Variants in SLCO3A1 observed in about 807,000 individuals in gnomAD.
SLCO3A1 encodes PGE1 transporter.
In SLCO3A1, 27 loss-of-function variants were observed where a neutral mutation model predicts 63.1. That is an observed-to-expected ratio of 0.43 (90% CI 0.32 to 0.59). SLCO3A1 has a LOEUF of 0.59. SLCO3A1 is among the 20% of genes least tolerant of loss of function. The probability of loss-of-function intolerance (pLI) is 0.09; values close to 1 mark genes in which losing one functional copy is unlikely to be tolerated. For synonymous variants in SLCO3A1, 473 were observed against 409.9 expected, an observed-to-expected ratio of 1.15 and a Z score of -1.86; for missense variants, 773 against 945.8, an observed-to-expected ratio of 0.82 and a Z score of 2.40.
At position 91,894,963 on chromosome 15, in the gene SLCO3A1, G is replaced by C. The variant is rs1244934891; in HGVS notation, c.181-21030G>C. On this transcript the variant is annotated intron_variant, in intron 1 of 9. Coordinates refer to ENST00000318445, the MANE Select transcript of SLCO3A1 (RefSeq NM_013272.4). The surrounding 1 kb of genome is among the most constrained non-coding windows in gnomAD (Gnocchi z 4.8). ...ATACCTGCATCCTGGACTTGTGGCT[G>C]TGAGTCTCCAGAGACTCAAGGCATT... 6.6e-6 allele frequency among the ~76,000 whole-genome samples: 1 copy of C among 152,206 alleles called. No individual in the cohort carries two copies. Among genetic ancestry groups the C allele is most frequent in the African/African-American group, 2.4e-5 (1 of 41,440 alleles).
rs562752933 is a variant in SLCO3A1 at position 92,142,763 on chromosome 15, A to G, written c.1513-4221A>G. ...ACCGTGCCAGCTGTAGCCTGAGATA[A>G]AGATGTCTCATTTTATCCCATTCCA... On this transcript the variant is annotated intron_variant, in intron 7 of 9. Transcript: ENST00000318445. Among the ~76,000 whole-genome samples, 3 of 152,300 alleles carry G rather than the reference A, an allele frequency of 2.0e-5. No individual in the cohort carries two copies. In the East Asian group the frequency reaches 5.8e-4, roughly 29 times the overall value.
Position 92,025,464 on chromosome 15 carries a change from T to TACC in SLCO3A1, c.647-69414_647-69412dup, listed in dbSNP as rs201694936. 5.3e-3 allele frequency among the ~76,000 whole-genome samples: 800 copies of TACC among 152,244 alleles called. 5 individuals carry two copies. The highest frequency in any genetic ancestry group is 0.018 in the African/African-American group (742 of 41,506). The stretch of plus-strand genomic sequence containing the variant: ...CTGCTGCTCTTGCTGCTGCTGCTGC[T>TACC]ACCACTACTACTACTGCTGCTGCTG... On this transcript the variant is annotated intron_variant, in intron 2 of 9. Transcript: ENST00000318445.
chr15:92,051,155 T>C (rs533984321), intron 2 of SLCO3A1, among the ~76,000 whole-genome samples: 5 of 152,350 alleles, frequency 3.3e-5, no homozygotes, highest in Non-Finnish European at 7.3e-5. Context: ...GGGAATTAAG[T>C]AAGGCATATA....
In SLCO3A1 at chr15:92,164,944, G is replaced by A. The variant is rs1463877559; in HGVS notation, c.*1809G>A. The A allele has an allele frequency of 2.0e-5, 20 of 981,504 alleles. No individual in the cohort carries two copies. Among genetic ancestry groups the A allele is most frequent in the Non-Finnish European group, 2.4e-5 (20 of 829,000 alleles). The allele number at this position is 981,504 out of a possible 1,614,324, so 60.8% of individuals were successfully genotyped here. A position where few individuals can be genotyped will look rare whatever the true frequency, so the allele number is the denominator to read the frequency against. The stretch of plus-strand genomic sequence containing the variant: ...TGACCTTTGTTCATGTCACATTCCT[G>A]GCGCTGGAAAAAAAACTCAAAGGTT... On this transcript the variant is annotated 3_prime_UTR_variant, in exon 10 of 10. Coordinates refer to ENST00000318445, the MANE Select transcript of SLCO3A1 (RefSeq NM_013272.4).
intron 2 of SLCO3A1, among the ~76,000 whole-genome samples, chr15:92,016,130 A>C (rs2046423117): frequency 6.6e-6 from 1 of 152,002 alleles, no homozygotes; most frequent in African/African-American, 2.4e-5. Context: ...ATGATGTGCA[A>C]AAAGCCCAAA....
intron 2 of SLCO3A1, among the ~76,000 whole-genome samples, chr15:92,022,917 C>T (rs1411428720): frequency 6.6e-6 from 1 of 151,954 alleles, no homozygotes; most frequent in Admixed American, 6.5e-5. Flanking sequence ...TCTGGGAAGC[C>T]TGCAGTGCTA....
chr15:92,146,558 G>A (rs964788070), intron 7 of SLCO3A1, among the ~76,000 whole-genome samples: 1 of 152,218 alleles, frequency 6.6e-6, no homozygotes, highest in Non-Finnish European at 1.5e-5. Flanking sequence ...CAATATGCGG[G>A]TTACCTGATT....
At chr15:92,138,199 C>T in intron 7 of SLCO3A1, among the ~76,000 whole-genome samples, 1 of 109,346 alleles carries the variant, frequency 9.1e-6, no homozygotes, top group Non-Finnish European at 1.7e-5. Flanking sequence ...ATATGGCTAG[C>T]CAGTTTTCCC....
intron 1 of SLCO3A1, among the ~76,000 whole-genome samples, chr15:91,884,115 C>T (rs1311552079): frequency 6.6e-6 from 1 of 152,156 alleles, no homozygotes; most frequent in African/African-American, 2.4e-5. Context: ...GAGATAGGTA[C>T]ACGTATTATC....
rs35547562 is a variant in SLCO3A1, at chr15:92,017,285, T to TG, written c.647-77587dup. ...TCCATTGAGTTGGAGGAGCTGGGATTGGGGGGGGGTAGGGAAAGAGCAGGT... is the reference window on the plus strand; with the variant it reads ...TCCATTGAGTTGGAGGAGCTGGGATTGGGGGGGGGGTAGGGAAAGAGCAGGT... On this transcript the variant is annotated intron_variant, in intron 2 of 9. Coordinates refer to ENST00000318445, the MANE Select transcript of SLCO3A1 (RefSeq NM_013272.4). Among the ~76,000 whole-genome samples the TG allele has an allele frequency of 3.9e-3, 565 of 145,798 alleles. 1 individual carries two copies. The highest frequency in any genetic ancestry group is 0.02 in the East Asian group (99 of 5,068).
intron 2 of SLCO3A1, among the ~76,000 whole-genome samples, chr15:91,947,813 G>T (rs1309310178): frequency 6.6e-6 from 1 of 152,102 alleles, no homozygotes; most frequent in Non-Finnish European, 1.5e-5. Flanking sequence ...CCCCTGCTTG[G>T]CCCTAGCAGC....
intron 7 of SLCO3A1, among the ~76,000 whole-genome samples, chr15:92,141,082 G>A (rs2048125652): frequency 6.6e-6 from 1 of 152,152 alleles, no homozygotes; most frequent in South Asian, 2.1e-4. Context: ...TGGGAGCTCA[G>A]TGGCCACCTT....
intron 1 of SLCO3A1, among the ~76,000 whole-genome samples, chr15:91,893,395 G>A (rs1897920203): frequency 6.6e-6 from 1 of 152,154 alleles, no homozygotes; most frequent in Non-Finnish European, 1.5e-5. Flanking sequence ...TAGTTATGAA[G>A]GCTGGAAAGT....
chr15:91,890,735 C>T (rs1241617620), intron 1 of SLCO3A1, among the ~76,000 whole-genome samples: 2 of 152,144 alleles, frequency 1.3e-5, no homozygotes, highest in Non-Finnish European at 2.9e-5. Flanking sequence ...GTTATTTTCC[C>T]CAGAGTTTTC....
chr15:91,880,409 C>CTGTGTGTGTGTGTGTGTG (rs58932263), intron 1 of SLCO3A1, among the ~76,000 whole-genome samples: 5 of 142,272 alleles, frequency 3.5e-5, no homozygotes, highest in African/African-American at 8.1e-5. Flanking sequence ...CTCTCTCTCT[C>CTGTGTGTGTGTGTGTGTG]TGTGTGTGTG....
At chr15:92,117,931 A>G (rs1281623573) in intron 4 of SLCO3A1, among the ~76,000 whole-genome samples, 3 of 152,260 alleles carry the variant, frequency 2.0e-5, no homozygotes, top group East Asian at 3.8e-4. Flanking sequence ...TACTTTAAAC[A>G]TAATGTGGAT....
intron 7 of SLCO3A1, among the ~76,000 whole-genome samples, chr15:92,145,828 C>G (rs1380052669): frequency 1.3e-5 from 2 of 152,232 alleles, no homozygotes; most frequent in Non-Finnish European, 2.9e-5. Flanking sequence ...CGTCTGCCCC[C>G]ATTCCTTCCC....
chr15:92,164,614 T>C lies in SLCO3A1; in HGVS notation c.*1479T>C, dbSNP rs2048477720. On this transcript the variant is annotated 3_prime_UTR_variant, in exon 10 of 10. Coordinates refer to ENST00000318445, the MANE Select transcript of SLCO3A1 (RefSeq NM_013272.4). ...ACAAGCTGTTAAGAAGTCTGTAGCA[T>C]CTCTGATAACGAATAGACCCACAAG... 9 of 984,466 alleles carry C rather than the reference T, an allele frequency of 9.1e-6. No homozygotes were observed. Among genetic ancestry groups the C allele is most frequent in the Non-Finnish European group, 1.1e-5 (9 of 829,694 alleles). The allele number at this position is 984,466 out of a possible 1,614,324, so 61.0% of individuals were successfully genotyped here.
chr15:92,133,718 G>A (rs1362457333), intron 7 of SLCO3A1, among the ~76,000 whole-genome samples: 1 of 145,286 alleles, frequency 6.9e-6, no homozygotes, highest in East Asian at 1.9e-4. Context: ...CTAGTTACAG[G>A]AAAACAAGCT....
Sources: allele counts gnomAD v4.1 joint callset (sites outside exome capture counted in the v4.1 genomes callset), GRCh38; gene constraint gnomAD v4.1.1; non-coding constraint Gnocchi (gnomAD v3.1); transcripts MANE v1.5; gene names NCBI Gene and HGNC (gene_info 2026-07-23, HGNC 2026-07-21).